The following KDR variants were observed in gnomAD, a reference collection of about 807,000 sequenced individuals.
KDR encodes kinase insert domain receptor, also known as vascular endothelial growth factor receptor 2.
Under a neutral mutation model 160.9 loss-of-function variants are expected in KDR, and 43 were observed. The ratio of observed to expected loss-of-function variants is 0.27; its 90% CI spans 0.21 to 0.34. The LOEUF (loss-of-function observed/expected upper bound fraction) is 0.34. Ranked by LOEUF, KDR falls within the 10% of genes least tolerant of loss-of-function variation. The probability of loss-of-function intolerance (pLI) is 1.00; values close to 1 mark genes in which losing one functional copy is unlikely to be tolerated. For synonymous variants in KDR, 617 were observed against 600.1 expected (o/e 1.03, Z -0.41); for missense variants, 1,469 against 1,666.4 (o/e 0.88, Z 2.06).
chr4:55,097,608 A>T, intron 18 of KDR, 54 bp downstream of exon 18: 1 of 1,154,672 alleles, frequency 8.7e-7, no homozygotes, highest in African/African-American at 1.5e-5. Flanking sequence ...CTTGCAACAT[A>T]TTTAAAGACT....
At chr4:55,082,133 T>C (rs1343795162) in intron 28 of KDR, 92 bp from the exon 29 acceptor site, 2 of 938,158 alleles carry the variant, frequency 2.1e-6, no homozygotes, top group East Asian at 4.8e-5. Context: ...ATCTATCATG[T>C]CTATCAAATA....
Position 55,110,766 on chromosome 4 carries a change from T to C in KDR, c.979A>G (p.Lys327Glu). ...CCACTTCCAAAAGCAACAAAAGGTT[T>C]TTCTGGAAGAAAATAAAAAAAAAAA... ...KNSTFVRVHE[K>E]PFVAFGSGME... is the part of the protein sequence containing the mutation. Residue 327 changes from lysine to glutamate, a missense_variant and splice_region_variant, in exon 8 of 30, where the codon AAA becomes GAA. Physicochemically the swap from Lys to Glu is moderately conservative, Grantham distance 56. Around this residue, in one of 7 missense-constraint regions of KDR, gnomAD observed 792 missense variants for 840.9 expected, o/e 0.94. Coordinates refer to ENST00000263923, the MANE Select transcript of KDR (RefSeq NM_002253.4). 1 of 1,587,524 alleles carries C rather than the reference T, an allele frequency of 6.3e-7. No homozygotes were observed. The highest frequency in any genetic ancestry group is 8.5e-7 in the Non-Finnish European group (1 of 1,171,134).
rs1274832669 is a variant in KDR, at chr4:55,113,484, G to A, written c.799-3C>T. The stretch of plus-strand genomic sequence containing the variant: ...TTTACAAGTTTCTTATGCTGATGCT[G>A]AAAAAAAGAGTTGACTGAACTTCCA... On this transcript the variant is annotated splice_polypyrimidine_tract_variant and splice_region_variant and intron_variant, in intron 6 of 29. Transcript: ENST00000263923. 3.1e-6 allele frequency: 5 copies of A among 1,613,084 alleles called. No homozygotes were observed. Among genetic ancestry groups the A allele is most frequent in the African/African-American group, 1.3e-5 (1 of 74,792 alleles).
rs1319345939 is a variant in KDR at position 55,115,408 on chromosome 4, T to C, written c.362A>G (p.Tyr121Cys). 2 of 1,506,306 alleles carry C rather than the reference T, an allele frequency of 1.3e-6. No homozygotes were observed. Among genetic ancestry groups the C allele is most frequent in the Non-Finnish European group, 1.8e-6 (2 of 1,082,044 alleles). 93.3% of individuals were successfully genotyped at this position (1,506,306 alleles called of 1,614,324 possible). A position where few individuals can be genotyped will look rare whatever the true frequency, so the allele number is the denominator to read the frequency against. Residue 121 changes from tyrosine (Y) to cysteine (C), a missense_variant, in exon 4 of 30, where the codon TAC becomes TGC. Around this residue, in one of 7 missense-constraint regions of KDR, gnomAD observed 792 missense variants for 840.9 expected, o/e 0.94. Transcript: ENST00000263923. ...ASVIYVYVQD[Y>C]RSPFIASVSD... is the part of the protein sequence containing the mutation. The stretch of plus-strand genomic sequence containing the variant: ...AACAGAAGCAATAAATGGAGATCTG[T>C]AATCTAGAAGAAAATTTAGTTTTAT...
intron 27 of KDR, among the ~76,000 whole-genome samples, chr4:55,086,768 C>T (rs572996372): frequency 3.7e-4 from 57 of 152,262 alleles, no homozygotes; most frequent in African/African-American, 1.3e-3. Flanking sequence ...GCAACCTGGC[C>T]AAGTTCTGGA....
intron 3 of KDR, among the ~76,000 whole-genome samples, chr4:55,117,011 T>C (rs1021587540): frequency 6.7e-6 from 1 of 149,158 alleles, no homozygotes; most frequent in East Asian, 1.9e-4. Flanking sequence ...CAATAAACAG[T>C]GCTAGGGATT....
chr4:55,092,695 C>T lies in KDR; in HGVS notation c.2991G>A (p.Lys997=). The change falls in exon 22 of 30, where the codon AAG becomes AAA. Residue 997 remains lysine (K), a synonymous_variant. Transcript: ENST00000263923. ...TGAGATGCTCCAAGGTCAGGAAGTC[C>T]TTATACAGATCTTCAGGAGCTGTCC... ...EEEEAPEDLY[K]DFLTLEHLIC... 1.2e-6 allele frequency: 2 copies of T among 1,613,454 alleles called. No homozygotes were observed. Among genetic ancestry groups the T allele is most frequent in the Non-Finnish European group, 1.7e-6 (2 of 1,179,446 alleles).
intron 25 of KDR, among the ~76,000 whole-genome samples, 157 bp downstream of exon 25, chr4:55,089,217 G>A (rs1231832452): frequency 1.3e-5 from 2 of 152,164 alleles, no homozygotes; most frequent in African/African-American, 4.8e-5. Context: ...TTTTCAAGAA[G>A]TGATGACTCC....
At chr4:55,094,228 T>C (rs1444214221) in intron 21 of KDR, among the ~76,000 whole-genome samples, 1 of 151,478 alleles carries the variant, frequency 6.6e-6, no homozygotes, top group Non-Finnish European at 1.5e-5. Context: ...AAAATAAACA[T>C]AAAAACAAAT....
intron 22 of KDR, 27 bp from the exon 23 acceptor site, chr4:55,090,105 G>A (rs1334653003): frequency 1.2e-6 from 2 of 1,613,278 alleles, no homozygotes; most frequent in Admixed American, 3.3e-5. Flanking sequence ...GTGTGCATTA[G>A]GTCTCGGCAC....
intron 22 of KDR, among the ~76,000 whole-genome samples, chr4:55,091,250 A>T (rs919540010): frequency 1.6e-4 from 24 of 152,214 alleles, no homozygotes; most frequent in African/African-American, 5.3e-4. Context: ...TCCTCTGAAC[A>T]AGGCATATTC....
chr4:55,113,362 G>A lies in KDR; in HGVS notation c.918C>T (p.Thr306=), dbSNP rs58333232. The A allele has an allele frequency of 7.1e-5, 115 of 1,613,950 alleles. No homozygotes were observed. The highest frequency in any genetic ancestry group is 9.5e-5 in the Non-Finnish European group (112 of 1,179,974). ...GVTRSDQGLY[T]CAASSGLMTK... Reference sequence around the variant, plus strand: ...TCATCAGCCCACTGGATGCTGCACAGGTGTACAATCCTTGGTCACTCCGGG... The same window carrying A: ...TCATCAGCCCACTGGATGCTGCACAAGTGTACAATCCTTGGTCACTCCGGG... The change falls in exon 7 of 30, where the codon ACC becomes ACT. Residue 306 remains threonine (T), a synonymous_variant. Coordinates refer to ENST00000263923, the MANE Select transcript of KDR (RefSeq NM_002253.4).
intron 25 of KDR, 141 bp from the exon 26 acceptor site, chr4:55,089,114 G>A: frequency 1.3e-6 from 1 of 741,478 alleles, no homozygotes; most frequent in Non-Finnish European, 2.4e-6. Context: ...AAGACACAGA[G>A]TCCCATACTC....
chr4:55,100,596 T>C (rs948646694), intron 15 of KDR, among the ~76,000 whole-genome samples: 1 of 152,192 alleles, frequency 6.6e-6, no homozygotes, highest in South Asian at 2.1e-4. Flanking sequence ...TTCTGCGGAT[T>C]TGCCCTAAAA....
chr4:55,089,007 C>T (rs770062007), intron 25 of KDR, 34 bp from the exon 26 acceptor site: 1 of 1,434,960 alleles, frequency 7.0e-7, no homozygotes, highest in East Asian at 2.3e-5. Context: ...CATTAAATGC[C>T]TCTTTCTTCC....
chr4:55,097,522 T>C (rs1350593720), intron 18 of KDR, 140 bp downstream of exon 18: 1 of 637,894 alleles, frequency 1.6e-6, no homozygotes, highest in African/African-American at 1.8e-5. Context: ...TTTTCCAATT[T>C]GCACAAGGGC....
At chr4:55,101,072 G>A (rs1429475003) in intron 15 of KDR, among the ~76,000 whole-genome samples, 1 of 152,204 alleles carries the variant, frequency 6.6e-6, no homozygotes, top group Admixed American at 6.5e-5. Flanking sequence ...GTTCACAAGT[G>A]AATCTTAATT....
chr4:55,118,282 C>T (rs1241474989), intron 3 of KDR, among the ~76,000 whole-genome samples: 1 of 152,148 alleles, frequency 6.6e-6, no homozygotes, highest in Non-Finnish European at 1.5e-5. Context: ...AAATCTTCCT[C>T]GATTTCAAGA....
intron 29 of KDR, among the ~76,000 whole-genome samples, chr4:55,081,165 G>C (rs1485737236): frequency 6.6e-6 from 1 of 152,054 alleles, no homozygotes; most frequent in Non-Finnish European, 1.5e-5. Context: ...ATAGCACAAT[G>C]GCACCTTTTA....
Sources: allele counts gnomAD v4.1 joint callset (sites outside exome capture counted in the v4.1 genomes callset), GRCh38; gene constraint gnomAD v4.1.1; regional missense constraint gnomAD v4.1.1; transcripts MANE v1.5; gene names NCBI Gene and HGNC (gene_info 2026-07-23, HGNC 2026-07-21).